The following PALLD variants were observed in gnomAD, a reference collection of about 807,000 sequenced individuals.
PALLD encodes palladin, cytoskeletal associated protein.
A neutral mutation model predicts 123.5 loss-of-function variants in PALLD; 61 were observed. The observed-to-expected ratio is 0.49, with a 90% CI of 0.40 to 0.61. The LOEUF (loss-of-function observed/expected upper bound fraction) is 0.61, where lower values mean the gene tolerates loss of function less well. PALLD is among the 20% of genes least tolerant of loss of function. PALLD has a pLI of 0.00. For missense variants in PALLD, 1,273 were observed against 1,377.0 expected, an observed-to-expected ratio of 0.92 and a Z score of 1.20; for synonymous variants, 465 against 496.4, an observed-to-expected ratio of 0.94 and a Z score of 0.84.
At chr4:168,713,884 C>T (rs1296661684) in intron 10 of PALLD, among the ~76,000 whole-genome samples, 2 of 148,434 alleles carry the variant, frequency 1.3e-5, no homozygotes, top group African/African-American at 2.5e-5. Context: ...AGCAGAACAC[C>T]TAACCACAAA....
At chr4:168,747,592 G>A (rs1436149980) in intron 10 of PALLD, among the ~76,000 whole-genome samples, 1 of 152,200 alleles carries the variant, frequency 6.6e-6, no homozygotes, top group East Asian at 1.9e-4. Context: ...AGAAGGCAGG[G>A]AAATTTAATT....
At chr4:168,739,783 A>G (rs1223022857) in intron 10 of PALLD, among the ~76,000 whole-genome samples, 1 of 152,224 alleles carries the variant, frequency 6.6e-6, no homozygotes, top group African/African-American at 2.4e-5. Context: ...CACACACGTC[A>G]TAAAGGCAGC....
intron 10 of PALLD, among the ~76,000 whole-genome samples, chr4:168,796,138 T>C (rs937243779): frequency 6.6e-6 from 1 of 152,048 alleles, no homozygotes; most frequent in Non-Finnish European, 1.5e-5. Context: ...AAATACTGGG[T>C]CTTATTCATT....
chr4:168,739,827 C>G (rs1465978831), intron 10 of PALLD, among the ~76,000 whole-genome samples: 1 of 152,178 alleles, frequency 6.6e-6, no homozygotes, highest in Non-Finnish European at 1.5e-5. Flanking sequence ...GATAAGGGTA[C>G]CTATTTACTG....
chr4:168,497,245 AC>A (rs1294645771), intron 1 of PALLD, 51 bp downstream of exon 1: 9 of 120,868 alleles, frequency 7.4e-5, no homozygotes, highest in Non-Finnish European at 1.2e-4. Context: ...CATTTTAAGG[AC>A]TTAAAAAAAA....
chr4:168,762,849 G>T (rs62334264), intron 10 of PALLD, among the ~76,000 whole-genome samples: 20,844 of 152,248 alleles, frequency 0.14, 1,818 homozygotes, highest in Non-Finnish European at 0.2. Flanking sequence ...GCAGCCATAA[G>T]AAAGGATGAA....
chr4:168,879,818 TGTCA>T (rs901249613), intron 10 of PALLD, among the ~76,000 whole-genome samples: 2 of 152,390 alleles, frequency 1.3e-5, no homozygotes, highest in South Asian at 2.1e-4. Flanking sequence ...TGTTGAAAGT[TGTCA>T]GTCAACTTGT....
chr4:168,917,835 A>G (rs753921252), intron 17 of PALLD, among the ~76,000 whole-genome samples: 3 of 152,198 alleles, frequency 2.0e-5, no homozygotes, highest in Non-Finnish European at 2.9e-5. Flanking sequence ...TTTTTGGTCT[A>G]TAATTAAGAA....
At chr4:168,880,322 A>C (rs1752437799) in intron 10 of PALLD, among the ~76,000 whole-genome samples, 1 of 152,216 alleles carries the variant, frequency 6.6e-6, no homozygotes, top group African/African-American at 2.4e-5. Context: ...TTAATGGAGA[A>C]GTCGTGCCGA....
Position 168,878,152 on chromosome 4 carries a change from G to T in PALLD, c.1965-12770G>T. The T allele has an allele frequency of 6.7e-7, 1 of 1,484,042 alleles. No individual in the cohort carries two copies. The highest frequency in any genetic ancestry group is 8.9e-7 in the Non-Finnish European group (1 of 1,122,814). 91.9% of individuals were successfully genotyped at this position (1,484,042 alleles called of 1,614,324 possible). A position where few individuals can be genotyped will look rare whatever the true frequency, so the allele number is the denominator to read the frequency against. ...CCCCGTGGGGCTCCTCCTCGCCGTCGCCCCCGCCCCCGCCACCCCCGGTCT... is the reference window on the plus strand; with the variant it reads ...CCCCGTGGGGCTCCTCCTCGCCGTCTCCCCCGCCCCCGCCACCCCCGGTCT... On this transcript the variant is annotated intron_variant, in intron 10 of 21. Transcript: ENST00000505667.
chr4:168,747,820 G>A (rs969913526), intron 10 of PALLD, among the ~76,000 whole-genome samples: 1 of 152,138 alleles, frequency 6.6e-6, no homozygotes, highest in Non-Finnish European at 1.5e-5. Flanking sequence ...ATATCTTCAA[G>A]AATTCCAACA....
At chr4:168,580,596 C>G (rs1296639099) in intron 2 of PALLD, among the ~76,000 whole-genome samples, 1 of 152,050 alleles carries the variant, frequency 6.6e-6, no homozygotes, top group Non-Finnish European at 1.5e-5. Flanking sequence ...ACAGAACTAT[C>G]ATTTGACCCA....
intron 2 of PALLD, among the ~76,000 whole-genome samples, chr4:168,552,607 A>T (rs1262817532): frequency 1.3e-5 from 2 of 152,180 alleles, no homozygotes; most frequent in African/African-American, 4.8e-5. Context: ...GTGAAATTTT[A>T]AAATTGTTAT....
intron 10 of PALLD, among the ~76,000 whole-genome samples, chr4:168,729,311 A>C (rs1315452901): frequency 1.3e-5 from 2 of 150,848 alleles, no homozygotes; most frequent in African/African-American, 4.9e-5. Flanking sequence ...GACTATAGGC[A>C]TGCACCACCA....
rs1390591252 is a variant in PALLD, at chr4:168,679,332, TGTGTGTGGTGG to T, written c.1088-1987_1088-1977del. 1.8e-4 allele frequency among the ~76,000 whole-genome samples: 12 copies of T among 68,110 alleles called. No homozygotes were observed. The East Asian group carries it at 6.0e-3, about 34-fold the overall frequency. The allele number at this position is 68,110 out of a possible 152,430, so 44.7% of individuals were successfully genotyped here. On this transcript the variant is annotated intron_variant, in intron 3 of 21. Coordinates refer to ENST00000505667, the MANE Select transcript of PALLD (RefSeq NM_001166108.2). The stretch of plus-strand genomic sequence containing the variant: ...TGTGTGGTGTGCGGTGGGGGGTATA[TGTGTGTGGTGG>T]GTGTGTGGTGGGGTGAGTATGGATG...
intron 2 of PALLD, among the ~76,000 whole-genome samples, chr4:168,657,046 T>A (rs533774845): frequency 6.6e-6 from 1 of 152,216 alleles, no homozygotes; most frequent in Non-Finnish European, 1.5e-5. Context: ...TTGTAAAATG[T>A]ATGCTAGGTA....
At chr4:168,699,543 A>C (rs113242541) in intron 8 of PALLD, among the ~76,000 whole-genome samples, 3 of 151,958 alleles carry the variant, frequency 2.0e-5, no homozygotes, top group African/African-American at 7.2e-5. Context: ...AAAAAAAAAA[A>C]CAGTTGCAAA....
chr4:168,777,205 T>C (rs1471087782), intron 10 of PALLD, among the ~76,000 whole-genome samples: 1 of 152,142 alleles, frequency 6.6e-6, no homozygotes, highest in African/African-American at 2.4e-5. Flanking sequence ...TCAACCTTCC[T>C]GAGTAGAGCT....
intron 2 of PALLD, among the ~76,000 whole-genome samples, chr4:168,600,073 ACACACACATATATACATGCATGTGTATG>A (rs754981978): frequency 0.22 from 23,067 of 105,950 alleles, 2,104 homozygotes; most frequent in East Asian, 0.33. Flanking sequence ...ACATGTGTAT[ACACACACATATATACATGCATGTGTATG>A]CACACATATA....
Sources: allele counts gnomAD v4.1 joint callset (sites outside exome capture counted in the v4.1 genomes callset), GRCh38; gene constraint gnomAD v4.1.1; transcripts MANE v1.5; gene names NCBI Gene and HGNC (gene_info 2026-07-23, HGNC 2026-07-21).